Variants in GNA12 observed in about 807,000 individuals in gnomAD.
GNA12 encodes the protein guanine nucleotide-binding protein subunit alpha-12.
In GNA12, 9 loss-of-function variants were observed where a neutral mutation model predicts 26.0. That is an observed-to-expected ratio of 0.35 (90% CI 0.21 to 0.60). GNA12 has a LOEUF of 0.60. Among genes scored for constraint, GNA12 ranks in the 20% least tolerant of loss-of-function variants. The pLI is 0.78. For synonymous variants in GNA12, 264 were observed against 219.6 expected, an observed-to-expected ratio of 1.20 and a Z score of -1.79; for missense variants, 405 against 525.8, an observed-to-expected ratio of 0.77 and a Z score of 2.25.
chr7:2,800,463 C>A (rs1254509287), intron 1 of GNA12, among the ~76,000 whole-genome samples: 1 of 152,246 alleles, frequency 6.6e-6, no homozygotes, highest in Non-Finnish European at 1.5e-5. Flanking sequence ...CAAAGCCCGT[C>A]TCCTGACTTC....
intron 1 of GNA12, among the ~76,000 whole-genome samples, chr7:2,828,667 T>C (rs976137457): frequency 6.6e-6 from 1 of 152,240 alleles, no homozygotes; most frequent in South Asian, 2.1e-4. Flanking sequence ...AACAAAACTA[T>C]TCCTGCTCTA....
chr7:2,812,257 GT>G (rs1793099044), intron 1 of GNA12, among the ~76,000 whole-genome samples: 1 of 152,242 alleles, frequency 6.6e-6, no homozygotes, highest in Non-Finnish European at 1.5e-5. Flanking sequence ...ATAACTCAAT[GT>G]TTTTCTTGGC....
At chr7:2,771,546 T>A (rs1400832128) in intron 2 of GNA12, among the ~76,000 whole-genome samples, 1 of 152,176 alleles carries the variant, frequency 6.6e-6, no homozygotes, top group Admixed American at 6.5e-5. Context: ...GTAAGTCAGA[T>A]CTTAGAGGAC....
intron 1 of GNA12, among the ~76,000 whole-genome samples, chr7:2,828,147 C>CA (rs889216337): frequency 3.9e-5 from 6 of 152,098 alleles, no homozygotes; most frequent in African/African-American, 1.4e-4. Flanking sequence ...TTCAAGATTA[C>CA]AAAAATTGTA....
At chr7:2,772,204 G>C (rs565506831) in intron 2 of GNA12, among the ~76,000 whole-genome samples, 2 of 152,298 alleles carry the variant, frequency 1.3e-5, no homozygotes, top group East Asian at 3.9e-4. Context: ...CAACCCAACA[G>C]GGCAAAAGAT....
chr7:2,795,412 C>T (rs1027000425), intron 1 of GNA12, among the ~76,000 whole-genome samples: 2 of 152,112 alleles, frequency 1.3e-5, no homozygotes, highest in African/African-American at 2.4e-5. Flanking sequence ...GGGAGGACTG[C>T]TGGAACACAG....
At chr7:2,784,321 C>T (rs1265047930) in intron 2 of GNA12, among the ~76,000 whole-genome samples, 2 of 152,062 alleles carry the variant, frequency 1.3e-5, no homozygotes, top group Non-Finnish European at 2.9e-5. Flanking sequence ...GGTTTTGCCC[C>T]GTTGCCCAGG....
At chr7:2,744,433 C>A (rs866111141) in intron 2 of GNA12, among the ~76,000 whole-genome samples, 37 of 152,320 alleles carry the variant, frequency 2.4e-4, no homozygotes, top group Middle Eastern at 6.8e-3. Context: ...CTCTAGCAAA[C>A]TCCAACAGAC....
At chr7:2,790,757 C>T (rs926810079) in intron 2 of GNA12, among the ~76,000 whole-genome samples, 1 of 152,076 alleles carries the variant, frequency 6.6e-6, no homozygotes, top group Non-Finnish European at 1.5e-5. Context: ...TTGCTAGAGC[C>T]CAGGAGTTTG....
At chr7:2,829,963 C>T (rs1482594848) in intron 1 of GNA12, among the ~76,000 whole-genome samples, 1 of 152,216 alleles carries the variant, frequency 6.6e-6, no homozygotes, top group Non-Finnish European at 1.5e-5. Flanking sequence ...GGATTTTCTC[C>T]TGCTAGCTAG....
intron 1 of GNA12, among the ~76,000 whole-genome samples, chr7:2,804,785 G>T (rs1433825290): frequency 6.6e-6 from 1 of 152,090 alleles, no homozygotes; most frequent in East Asian, 1.9e-4. Flanking sequence ...AGAGCTGGGC[G>T]TGATGGCTTA....
At position 2,731,594 on chromosome 7, in the gene GNA12, T is replaced by C. The variant is rs1294157750; in HGVS notation, c.733A>G (p.Ile245Val). The stretch of plus-strand genomic sequence containing the variant: ...GAGACCATGAACAGGATGGACGTGA[T>C]CCCGTCGAAGCACTGGAACCACTTC... ...RQKWFQCFDGITSILFMVSSS... is the reference protein window; with the variant it reads ...RQKWFQCFDGVTSILFMVSSS... Residue 245 changes from isoleucine to valine, a missense_variant, in exon 4 of 4, where the codon ATC becomes GTC. Physicochemically the swap from Ile to Val is conservative, Grantham distance 29 (BLOSUM62 3). Transcript: ENST00000275364. The surrounding 1 kb of genome is among the most constrained non-coding windows in gnomAD (Gnocchi z 6.0). The C allele has an allele frequency of 6.2e-7, 1 of 1,613,694 alleles. No individual in the cohort carries two copies. Among genetic ancestry groups the C allele is most frequent in the Non-Finnish European group, 8.5e-7 (1 of 1,179,872 alleles).
At position 2,759,184 on chromosome 7, in the gene GNA12, T is replaced by TA. The variant is rs965007927; in HGVS notation, c.526-25684dup. Among the ~76,000 whole-genome samples, 45 of 142,090 alleles carry TA rather than the reference T, an allele frequency of 3.2e-4. 1 individual carries two copies. Among genetic ancestry groups the TA allele is most frequent in the East Asian group, 3.1e-3 (16 of 5,106 alleles). The allele number at this position is 142,090 out of a possible 152,430, so 93.2% of individuals were successfully genotyped here. A position where few individuals can be genotyped will look rare whatever the true frequency, so the allele number is the denominator to read the frequency against. On this transcript the variant is annotated intron_variant, in intron 2 of 3. Coordinates refer to ENST00000275364, the MANE Select transcript of GNA12 (RefSeq NM_007353.3). ...ATAAATAAATAAATAAATAAATAAA[T>TA]AAATAAAATAAAAATAAAAACCCCA... is the stretch of plus-strand genomic sequence containing the variant.
intron 1 of GNA12, among the ~76,000 whole-genome samples, chr7:2,820,489 G>A (rs751375604): frequency 2.7e-5 from 4 of 149,582 alleles, no homozygotes; most frequent in Non-Finnish European, 5.9e-5. Flanking sequence ...TGAGAGGATC[G>A]CTTGAAACTA....
intron 1 of GNA12, among the ~76,000 whole-genome samples, chr7:2,795,945 TA>T (rs1347621940): frequency 6.6e-6 from 1 of 151,694 alleles, no homozygotes; most frequent in Non-Finnish European, 1.5e-5. Context: ...CTCAGCCTCC[TA>T]AGTAGCTAGG....
At chr7:2,822,412 A>C (rs1793389200) in intron 1 of GNA12, among the ~76,000 whole-genome samples, 2 of 152,190 alleles carry the variant, frequency 1.3e-5, no homozygotes, top group Admixed American at 6.5e-5. Context: ...TCCCCAATCT[A>C]AGACATATCT....
chr7:2,795,169 G>A, intron 1 of GNA12, 26 bp from the exon 2 acceptor site: 2 of 1,558,256 alleles, frequency 1.3e-6, no homozygotes, highest in Non-Finnish European at 1.8e-6. Context: ...AAGAAGAGAG[G>A]ATTTAATTGC....
chr7:2,781,722 A>C (rs1792235365), intron 2 of GNA12, among the ~76,000 whole-genome samples: 1 of 152,160 alleles, frequency 6.6e-6, no homozygotes, highest in South Asian at 2.1e-4. Context: ...GGGCGTACAA[A>C]AATAAGCTAC....
chr7:2,791,108 A>C (rs993280334), intron 2 of GNA12, among the ~76,000 whole-genome samples: 1 of 152,242 alleles, frequency 6.6e-6, no homozygotes, highest in Non-Finnish European at 1.5e-5. Flanking sequence ...AGCTATATTT[A>C]AAAATGCTAA....
Sources: gnomAD v4.1 joint callset for allele counts (sites outside exome capture counted in the v4.1 genomes callset) on GRCh38, gnomAD v4.1.1 for gene constraint, Gnocchi (gnomAD v3.1) non-coding constraint, MANE v1.5 for transcripts, NCBI Gene and HGNC (gene_info 2026-07-23, HGNC 2026-07-21) for gene names.